KATNAL1: variants seen among roughly 807,000 people sequenced by gnomAD.
The protein encoded by KATNAL1 is katanin p60 ATPase-containing subunit A-like 1.
KATNAL1 carries 32 observed loss-of-function variants against 55.2 expected under a neutral mutation model. That is an observed-to-expected ratio of 0.58 (90% CI 0.44 to 0.78). KATNAL1 has a LOEUF of 0.78. Among genes scored for constraint, KATNAL1 ranks in the 30% least tolerant of loss-of-function variants. The pLI is 0.00. For synonymous variants in KATNAL1, 193 were observed against 193.6 expected, an observed-to-expected ratio of 1.00 and a Z score of 0.02; for missense variants, 466 against 600.9, an observed-to-expected ratio of 0.78 and a Z score of 2.35.
rs546089825 is a variant in KATNAL1 at position 30,305,624 on chromosome 13, C to T, written c.-15+1707G>A. Among the ~76,000 whole-genome samples, 7 of 152,314 alleles carry T rather than the reference C, an allele frequency of 4.6e-5. No individual in the cohort carries two copies. In the South Asian group the frequency reaches 1.0e-3, roughly 23 times the overall value. On this transcript the variant is annotated intron_variant, in intron 1 of 10. Transcript: ENST00000380615. Reference sequence around the variant, plus strand: ...CTCTAAAAATCAGTAACTACTTCACCAACTGTTTTGAGGATTAAGTAAGGA... The same window carrying T: ...CTCTAAAAATCAGTAACTACTTCACTAACTGTTTTGAGGATTAAGTAAGGA...
At chr13:30,266,974 T>C (rs926075713) in intron 3 of KATNAL1, among the ~76,000 whole-genome samples, 2 of 152,224 alleles carry the variant, frequency 1.3e-5, no homozygotes, top group African/African-American at 4.8e-5. Flanking sequence ...TTCTTGTCAG[T>C]GTTTCGGATG....
Position 30,208,486 on chromosome 13 carries a change from A to G in KATNAL1, c.*54T>C. On this transcript the variant is annotated 3_prime_UTR_variant, in exon 11 of 11. Coordinates refer to ENST00000380615, the MANE Select transcript of KATNAL1 (RefSeq NM_032116.5). ...AACTTGTTTTTTAAAAATTGCAGGA[A>G]TTTCTTCGTATTTTATCAACAAAAA... The G allele has an allele frequency of 7.1e-7, 1 of 1,398,922 alleles. No individual in the cohort carries two copies. The highest frequency in any genetic ancestry group is 1.7e-5 in the South Asian group (1 of 60,282). The allele number at this position is 1,398,922 out of a possible 1,614,324, so 86.7% of individuals were successfully genotyped here.
chr13:30,243,343 T>C (rs1877459446), intron 4 of KATNAL1, among the ~76,000 whole-genome samples: 1 of 152,138 alleles, frequency 6.6e-6, no homozygotes. Flanking sequence ...ATGATATAGT[T>C]TGCCCTAAAA....
intron 9 of KATNAL1, among the ~76,000 whole-genome samples, chr13:30,222,131 T>G (rs912422313): frequency 2.0e-5 from 3 of 152,176 alleles, no homozygotes; most frequent in African/African-American, 7.2e-5. Flanking sequence ...TTTAAATTGG[T>G]GGACTTTGAG....
chr13:30,216,110 C>CATTG (rs575741751), intron 9 of KATNAL1, among the ~76,000 whole-genome samples: 77 of 152,150 alleles, frequency 5.1e-4, no homozygotes, highest in Admixed American at 1.6e-3. Flanking sequence ...TCTTAAAATA[C>CATTG]ATTGAGCAAA....
At position 30,270,228 on chromosome 13, in the gene KATNAL1, C is replaced by T. The variant is rs574689738; in HGVS notation, c.323+9835G>A. ...GGGGTCAGCCCCCCGCCCGGCCAGC[C>T]GCCCCGTCCGGGAGGGAGGTTGGGG... On this transcript the variant is annotated intron_variant, in intron 3 of 10. Transcript: ENST00000380615. Among the ~76,000 whole-genome samples, 73 of 141,614 alleles carry T rather than the reference C, an allele frequency of 5.2e-4. 4 individuals carry two copies. The highest frequency in any genetic ancestry group is 1.7e-3 in the African/African-American group (70 of 40,200). The allele number at this position is 141,614 out of a possible 152,430, so 92.9% of individuals were successfully genotyped here. A position where few individuals can be genotyped will look rare whatever the true frequency, so the allele number is the denominator to read the frequency against.
intron 6 of KATNAL1, among the ~76,000 whole-genome samples, chr13:30,234,125 C>T (rs974424842): frequency 3.9e-5 from 6 of 152,258 alleles, no homozygotes; most frequent in Middle Eastern, 3.4e-3. Flanking sequence ...CTGATTGGAT[C>T]TTTACAAATT....
chr13:30,210,879 A>G (rs1342725107), intron 9 of KATNAL1, among the ~76,000 whole-genome samples: 3 of 152,192 alleles, frequency 2.0e-5, no homozygotes, highest in Non-Finnish European at 2.9e-5. Context: ...TTAGTATGAC[A>G]TGGATCTCCA....
intron 4 of KATNAL1, among the ~76,000 whole-genome samples, chr13:30,246,125 A>G (rs1877772298): frequency 1.3e-5 from 2 of 152,224 alleles, no homozygotes; most frequent in Non-Finnish European, 1.5e-5. Flanking sequence ...TGGAGGCATC[A>G]TGCTACCTTG....
intron 1 of KATNAL1, among the ~76,000 whole-genome samples, chr13:30,300,253 T>C (rs921192963): frequency 6.6e-6 from 1 of 152,228 alleles, no homozygotes; most frequent in Admixed American, 6.5e-5. Flanking sequence ...ACAATACATA[T>C]GAGGCTAAGA....
intron 6 of KATNAL1, among the ~76,000 whole-genome samples, chr13:30,237,532 T>C (rs961139507): frequency 1.3e-5 from 2 of 152,162 alleles, no homozygotes; most frequent in Admixed American, 1.3e-4. Flanking sequence ...GTTGCCTTTA[T>C]AAAAATCATA....
chr13:30,227,128 A>G (rs199828994), intron 9 of KATNAL1, among the ~76,000 whole-genome samples: 1 of 144,754 alleles, frequency 6.9e-6, no homozygotes, highest in Non-Finnish European at 1.5e-5. Flanking sequence ...CTCTCTCTCC[A>G]AAACAGCATA....
Position 30,204,380 on chromosome 13 carries a change from C to A in KATNAL1, c.*4160G>T, listed in dbSNP as rs963950105. 4 of 152,182 alleles carry A rather than the reference C, an allele frequency of 2.6e-5. No individual in the cohort carries two copies. Among genetic ancestry groups the A allele is most frequent in the Non-Finnish European group, 5.9e-5 (4 of 68,034 alleles). The allele number at this position is 152,182 out of a possible 1,614,324, so 9.4% of individuals were successfully genotyped here. ...TAGACAATACTGAAGGAACCGAAGT[C>A]CACTCACACAACATGAAATACTTGC... On this transcript the variant is annotated 3_prime_UTR_variant, in exon 11 of 11. Transcript: ENST00000380615.
At chr13:30,228,859 C>T (rs1416682337) in intron 8 of KATNAL1, among the ~76,000 whole-genome samples, 2 of 152,164 alleles carry the variant, frequency 1.3e-5, no homozygotes, top group African/African-American at 4.8e-5. Context: ...CTCAAGCTAT[C>T]CTCCCACCTC....
chr13:30,210,283 A>T (rs56120845), intron 10 of KATNAL1, 33 bp downstream of exon 10: 1 of 1,559,242 alleles, frequency 6.4e-7, no homozygotes, highest in South Asian at 1.2e-5. Context: ...GTCTATAACT[A>T]ATGTCTAAAA....
intron 4 of KATNAL1, among the ~76,000 whole-genome samples, chr13:30,244,972 A>C (rs150083316): frequency 0.039 from 5,959 of 152,120 alleles, 153 homozygotes; most frequent in African/African-American, 0.067. Context: ...ACCAGAGGTA[A>C]AAAGAGGAGC....
intron 8 of KATNAL1, among the ~76,000 whole-genome samples, chr13:30,228,524 T>A (rs1426770330): frequency 6.6e-6 from 1 of 152,232 alleles, no homozygotes; most frequent in Non-Finnish European, 1.5e-5. Flanking sequence ...ACTAAATTTG[T>A]ATTCAGTGAT....
chr13:30,242,567 G>A (rs1021103659), intron 4 of KATNAL1, among the ~76,000 whole-genome samples: 28 of 152,154 alleles, frequency 1.8e-4, no homozygotes, highest in African/African-American at 6.5e-4. Context: ...AAAAACCTGA[G>A]TAGCCAGTAT....
At chr13:30,301,105 C>A (rs148943187) in intron 1 of KATNAL1, among the ~76,000 whole-genome samples, 1 of 152,142 alleles carries the variant, frequency 6.6e-6, no homozygotes, top group Non-Finnish European at 1.5e-5. Context: ...TGGTGGCTCA[C>A]GCCTGTAATC....
Sources: allele counts gnomAD v4.1 joint callset (sites outside exome capture counted in the v4.1 genomes callset), GRCh38; gene constraint gnomAD v4.1.1; transcripts MANE v1.5; gene names NCBI Gene and HGNC (gene_info 2026-07-23, HGNC 2026-07-21).